WDR33: variants seen among roughly 807,000 people sequenced by gnomAD.
WDR33 encodes pre-mRNA 3' end processing protein WDR33.
A neutral mutation model predicts 164.9 loss-of-function variants in WDR33; 47 were observed. That is an observed-to-expected ratio of 0.29 (90% CI 0.23 to 0.36). The LOEUF (loss-of-function observed/expected upper bound fraction) is 0.36. WDR33 is among the 10% of genes least tolerant of loss of function. WDR33 has a pLI of 1.00. For missense variants in WDR33, 1,137 were observed against 1,754.1 expected (o/e 0.65, Z 6.28); for synonymous variants, 505 against 589.0 (o/e 0.86, Z 2.06).
At chr2:127,740,346 TACACACACACAC>T (rs71307275) in intron 7 of WDR33, among the ~76,000 whole-genome samples, 7 of 149,698 alleles carry the variant, frequency 4.7e-5, no homozygotes, top group African/African-American at 1.2e-4. Context: ...TGTATTTCTC[TACACACACACAC>T]ACACACACAC....
chr2:127,740,208 T>C (rs1309608039), intron 7 of WDR33, among the ~76,000 whole-genome samples: 1 of 152,194 alleles, frequency 6.6e-6, no homozygotes, highest in Non-Finnish European at 1.5e-5. Flanking sequence ...TGTCTGATGG[T>C]TCCGTCTACA....
intron 7 of WDR33, chr2:127,737,589 C>T (rs1182933264): frequency 1.5e-5 from 15 of 995,456 alleles, no homozygotes; most frequent in African/African-American, 1.7e-5. Flanking sequence ...CCAGTACCTA[C>T]ACTACGTTAA....
At chr2:127,762,150 C>CA (rs1215369635) in intron 7 of WDR33, among the ~76,000 whole-genome samples, 2 of 152,184 alleles carry the variant, frequency 1.3e-5, no homozygotes, top group African/African-American at 4.8e-5. Flanking sequence ...CCCATCCTCC[C>CA]ACCCTGTATT....
At chr2:127,750,740 G>GCATACATATATATGTATA (rs1158818703) in intron 7 of WDR33, among the ~76,000 whole-genome samples, 1 of 38,962 alleles carries the variant, frequency 2.6e-5, no homozygotes, top group East Asian at 6.2e-4. Context: ...ATATATGTAT[G>GCATACATATATATGTATA]CATACATATA....
At chr2:127,729,730 C>T (rs766287228) in intron 7 of WDR33, among the ~76,000 whole-genome samples, 6 of 152,148 alleles carry the variant, frequency 3.9e-5, no homozygotes, top group African/African-American at 7.2e-5. Flanking sequence ...CTCCTGGCCT[C>T]GTGATCCGCC....
In WDR33 at chr2:127,713,486, C is replaced by A. The variant is rs1686226656; in HGVS notation, c.3308+97G>T. ...TGCAGGGCTGGTAATTGATATAATT[C>A]TCTTTCCTCAAGAAAAAGAAGAAAG... is the stretch of plus-strand genomic sequence containing the variant. On this transcript the variant is annotated intron_variant, in intron 18 of 21. Transcript: ENST00000322313. The surrounding 1 kb of genome is among the most constrained non-coding windows in gnomAD (Gnocchi z 6.2). 1 of 1,391,330 alleles carries A rather than the reference C, an allele frequency of 7.2e-7. No individual in the cohort carries two copies. The highest frequency in any genetic ancestry group is 2.1e-5 in the Admixed American group (1 of 47,788). 86.2% of individuals were successfully genotyped at this position (1,391,330 alleles called of 1,614,324 possible).
chr2:127,720,029 G>A lies in WDR33; in HGVS notation c.1996C>T (p.Pro666Ser). 1 of 1,613,644 alleles carries A rather than the reference G, an allele frequency of 6.2e-7. No homozygotes were observed. The highest frequency in any genetic ancestry group is 8.5e-7 in the Non-Finnish European group (1 of 1,179,862). Residue 666 changes from proline (P) to serine (S), a missense_variant, in exon 16 of 22, where the codon CCA (proline) becomes TCA (serine). Physicochemically the swap from Pro to Ser is moderately conservative, Grantham distance 74. Transcript: ENST00000322313. This position sits in a 1 kb window ranked among gnomAD's most constrained non-coding sequence, Gnocchi z 5.9. ...QGPQGPPQGL[P>S]RPQDMHGPQG... ...GGCCCATGCATGTCCTGAGGCCGTG[G>A]CAACCCCTGGGGCGGGCCCTGGGGC...
intron 1 of WDR33, among the ~76,000 whole-genome samples, chr2:127,790,178 C>T (rs1356798651): frequency 6.6e-6 from 1 of 152,136 alleles, no homozygotes; most frequent in Non-Finnish European, 1.5e-5. Flanking sequence ...TTGTCAAATA[C>T]TTATTCTCCA....
rs183168496 is a variant in WDR33 at position 127,701,202 on chromosome 2, C to A, written c.*5121G>T. 274 of 210,960 alleles carry A rather than the reference C, an allele frequency of 1.3e-3. 1 individual carries two copies. The highest frequency in any genetic ancestry group is 1.7e-4 in the Non-Finnish European group (18 of 106,736). The allele number at this position is 210,960 out of a possible 1,614,324, so 13.1% of individuals were successfully genotyped here. On this transcript the variant is annotated 3_prime_UTR_variant, in exon 22 of 22. Coordinates refer to ENST00000322313, the MANE Select transcript of WDR33 (RefSeq NM_018383.5). ...ATTTCCGTCAGCAAAAGGGTCACTTCTTGTGCCCCTTTAGAACCACACCCA... is the reference window on the plus strand; with the variant it reads ...ATTTCCGTCAGCAAAAGGGTCACTTATTGTGCCCCTTTAGAACCACACCCA...
intron 1 of WDR33, among the ~76,000 whole-genome samples, chr2:127,804,049 C>T (rs937439207): frequency 2.6e-5 from 4 of 151,728 alleles, no homozygotes; most frequent in East Asian, 3.9e-4. Flanking sequence ...GGACCGGGTG[C>T]GGTGGCTCAC....
intron 7 of WDR33, among the ~76,000 whole-genome samples, chr2:127,729,194 G>GT (rs1558927007): frequency 6.6e-6 from 1 of 152,216 alleles, no homozygotes; most frequent in Non-Finnish European, 1.5e-5. Context: ...TCTAAGCGAA[G>GT]TATGTGTAGC....
At position 127,724,765 on chromosome 2, in the gene WDR33, T is replaced by C. The variant is rs1686525025; in HGVS notation, c.1085+122A>G. On this transcript the variant is annotated intron_variant, in intron 10 of 21. Coordinates refer to ENST00000322313, the MANE Select transcript of WDR33 (RefSeq NM_018383.5). The surrounding 1 kb of genome is among the most constrained non-coding windows in gnomAD (Gnocchi z 4.8). ...AAGCTGGATTTACAGAACTGAAAAC[T>C]GCAAGCAGTCTCTGATATAGGATAT... The C allele has an allele frequency of 9.2e-7, 1 of 1,087,610 alleles. No homozygotes were observed. The highest frequency in any genetic ancestry group is 1.6e-5 in the African/African-American group (1 of 63,528). 67.4% of individuals were successfully genotyped at this position (1,087,610 alleles called of 1,614,324 possible).
In WDR33 at chr2:127,709,646, T is replaced by C. The variant is rs1244960744; in HGVS notation, c.3472+47A>G. The C allele has an allele frequency of 6.2e-7, 1 of 1,614,064 alleles. No homozygotes were observed. Among genetic ancestry groups the C allele is most frequent in the Admixed American group, 1.7e-5 (1 of 60,026 alleles). On this transcript the variant is annotated intron_variant, in intron 19 of 21. Coordinates refer to ENST00000322313, the MANE Select transcript of WDR33 (RefSeq NM_018383.5). The surrounding 1 kb of genome is among the most constrained non-coding windows in gnomAD (Gnocchi z 5.0). The stretch of plus-strand genomic sequence containing the variant: ...CCTGGTGTATTCACAACCAGTGTAT[T>C]CTGCACCCTATCCTTCCAGACCAGG...
rs1401605360 is a variant in WDR33, at chr2:127,712,095, G to C, written c.3308+1488C>G. On this transcript the variant is annotated intron_variant, in intron 18 of 21. Coordinates refer to ENST00000322313, the MANE Select transcript of WDR33 (RefSeq NM_018383.5). The surrounding 1 kb of genome is among the most constrained non-coding windows in gnomAD (Gnocchi z 4.0). The stretch of plus-strand genomic sequence containing the variant: ...CCTTAACCATCTATTCACAAGAAGA[G>C]TAAGAAATGGAATGAAAGGACCAGG... Among the ~76,000 whole-genome samples, 1 of 151,836 alleles carries C rather than the reference G, an allele frequency of 6.6e-6. No homozygotes were observed. Among genetic ancestry groups the C allele is most frequent in the East Asian group, 1.9e-4 (1 of 5,142 alleles).
intron 7 of WDR33, among the ~76,000 whole-genome samples, chr2:127,728,539 G>A (rs1686623974): frequency 6.6e-6 from 1 of 151,994 alleles, no homozygotes; most frequent in Admixed American, 6.6e-5. Flanking sequence ...GGTGGGAAGG[G>A]GGAAGAGAGG....
rs771395247 is a variant in WDR33 at position 127,713,936 on chromosome 2, G to A, written c.2955C>T (p.Pro985=). Residue 985 remains proline (P), a synonymous_variant, in exon 18 of 22, where the codon CCC becomes CCT. Coordinates refer to ENST00000322313, the MANE Select transcript of WDR33 (RefSeq NM_018383.5). The surrounding 1 kb of genome is among the most constrained non-coding windows in gnomAD (Gnocchi z 6.2). Reference sequence around the variant, plus strand: ...GGCCACCCCGGAAAGGCCCCCTCTCGGGCCCATGCTCAGGCCCGCCGCTCT... The same window carrying A: ...GGCCACCCCGGAAAGGCCCCCTCTCAGGCCCATGCTCAGGCCCGCCGCTCT... ...HEQSGGPEHG[P]ERGPFRGGQD... The A allele has an allele frequency of 1.3e-5, 21 of 1,602,450 alleles. No individual in the cohort carries two copies. The highest frequency in any genetic ancestry group is 5.6e-5 in the South Asian group (5 of 89,510).
At chr2:127,798,492 A>T (rs1238799488) in intron 1 of WDR33, among the ~76,000 whole-genome samples, 1 of 152,080 alleles carries the variant, frequency 6.6e-6, no homozygotes, top group Non-Finnish European at 1.5e-5. Flanking sequence ...AAATCTGTCA[A>T]TAGCAAGATA....
chr2:127,753,387 G>A (rs1687428024), intron 7 of WDR33, among the ~76,000 whole-genome samples: 2 of 152,158 alleles, frequency 1.3e-5, no homozygotes, highest in South Asian at 2.1e-4. Context: ...TCATAACAGT[G>A]GCTGAAAAAT....
rs1012311890 is a variant in WDR33, at chr2:127,704,398, T to A, written c.*1925A>T. 5.4e-5 allele frequency: 9 copies of A among 166,840 alleles called. No individual in the cohort carries two copies. The highest frequency in any genetic ancestry group is 1.7e-4 in the African/African-American group (7 of 41,366). The allele number at this position is 166,840 out of a possible 1,614,324, so 10.3% of individuals were successfully genotyped here. A position where few individuals can be genotyped will look rare whatever the true frequency, so the allele number is the denominator to read the frequency against. ...AAGTTAAAGCCCAAAATAATGAAAATTTTTCCACTAGAATCTCAGGGAAAA... is the reference window on the plus strand; with the variant it reads ...AAGTTAAAGCCCAAAATAATGAAAAATTTTCCACTAGAATCTCAGGGAAAA... On this transcript the variant is annotated 3_prime_UTR_variant, in exon 22 of 22. Coordinates refer to ENST00000322313, the MANE Select transcript of WDR33 (RefSeq NM_018383.5).
Sources: gnomAD v4.1 joint callset for allele counts (sites outside exome capture counted in the v4.1 genomes callset) on GRCh38, gnomAD v4.1.1 for gene constraint, Gnocchi (gnomAD v3.1) non-coding constraint, MANE v1.5 for transcripts, NCBI Gene and HGNC (gene_info 2026-07-23, HGNC 2026-07-21) for gene names.